The following PNPLA6 variants were observed in gnomAD, a reference collection of about 807,000 sequenced individuals.
The protein encoded by PNPLA6 is patatin like domain 6, lysophospholipase, also known as patatin-like phospholipase domain-containing protein 6.
A neutral mutation model predicts 153.7 loss-of-function variants in PNPLA6; 105 were observed. The ratio of observed to expected loss-of-function variants is 0.68; its 90% CI spans 0.58 to 0.80. The LOEUF is 0.80. Among genes scored for constraint, PNPLA6 ranks in the 30% least tolerant of loss-of-function variants. The pLI is 0.00. For synonymous variants in PNPLA6, 825 were observed against 822.2 expected, an observed-to-expected ratio of 1.00 and a Z score of -0.06; for missense variants, 1,423 against 1,919.3, an observed-to-expected ratio of 0.74 and a Z score of 4.83.
At chr19:7,548,610 C>T (rs1029230933) in intron 13 of PNPLA6, among the ~76,000 whole-genome samples, 17 of 151,468 alleles carry the variant, frequency 1.1e-4, no homozygotes, top group Non-Finnish European at 2.9e-5. Flanking sequence ...TAGGGAAAAA[C>T]GGGGAAAATA....
Position 7,536,553 on chromosome 19 carries a change from C to T in PNPLA6, c.413+7C>T. 1 of 1,592,130 alleles carries T rather than the reference C, an allele frequency of 6.3e-7. No individual in the cohort carries two copies. Among genetic ancestry groups the T allele is most frequent in the South Asian group, 1.1e-5 (1 of 90,654 alleles). ...TGCTCAACATTGCCAAGAAGTAAGGCTGTGCTGGGTGTGACCTGGTATTAG... is the reference window on the plus strand; with the variant it reads ...TGCTCAACATTGCCAAGAAGTAAGGTTGTGCTGGGTGTGACCTGGTATTAG... On this transcript the variant is annotated splice_region_variant and intron_variant, in intron 3 of 31. Transcript: ENST00000600737.
At chr19:7,547,590 C>T (rs1196436580) in intron 13 of PNPLA6, among the ~76,000 whole-genome samples, 7 of 150,748 alleles carry the variant, frequency 4.6e-5, no homozygotes, top group Non-Finnish European at 1.0e-4. Context: ...GATCCTTCTG[C>T]CTTGGCCTCC....
upstream of PNPLA6, chr19:7,535,090 T>G: frequency 4.8e-6 from 1 of 207,286 alleles, no homozygotes; most frequent in Non-Finnish European, 1.0e-5. The surrounding 1 kb of genome is among the most constrained non-coding windows in gnomAD (Gnocchi z 5.0). Context: ...GGGTGCGGCC[T>G]GGGGGGTGGG....
Position 7,554,736 on chromosome 19 carries a change from T to C in PNPLA6, c.2634+13T>C. The C allele has an allele frequency of 1.9e-6, 3 of 1,610,818 alleles. No homozygotes were observed. On this transcript the variant is annotated intron_variant, in intron 21 of 31. Transcript: ENST00000600737. ...TACCCTCGGCCAGGTCGGAAGCCCG[T>C]GCCCCCTGATCTCACCCACCTCGGG...
rs769927461 is a variant in PNPLA6, at chr19:7,560,666, G to A, written c.3718G>A (p.Gly1240Arg). ...CCCACAGGATGTGGGCTACCAGTAC[G>A]GGAAGGCGGTGTTTGGAGGCTGGAG... The part of the protein sequence containing the change: ...DQIYDVGYQY[G>R]KAVFGGWSRG... Residue 1240 changes from glycine to arginine, a missense_variant, in exon 29 of 32, where the codon GGG becomes AGG. By Grantham distance (125) the Gly-to-Arg change is moderately radical. Around this residue, in one of 10 missense-constraint regions of PNPLA6, gnomAD observed 643 missense variants for 835.2 expected, o/e 0.77. Coordinates refer to ENST00000600737, the MANE Select transcript of PNPLA6 (RefSeq NM_001166114.2). 16 of 1,613,130 alleles carry A rather than the reference G, an allele frequency of 9.9e-6. No homozygotes were observed. Among genetic ancestry groups the A allele is most frequent in the Admixed American group, 6.7e-5 (4 of 59,986 alleles).
At position 7,555,361 on chromosome 19, in the gene PNPLA6, G is replaced by A; in HGVS notation, c.2930G>A (p.Gly977Glu). The A allele has an allele frequency of 6.5e-7, 1 of 1,547,358 alleles. No homozygotes were observed. The highest frequency in any genetic ancestry group is 8.7e-7 in the Non-Finnish European group (1 of 1,143,320). The change falls in exon 23 of 32, where the codon GGG (glycine) becomes GAG (glutamate). Residue 977 changes from glycine (G) to glutamate (E), a missense_variant. Gly to Glu is a moderately conservative substitution (Grantham distance 98). Transcript: ENST00000600737. The surrounding 1 kb of genome is among the most constrained non-coding windows in gnomAD (Gnocchi z 6.3). ...ATTGCCCTTGTGCTAGGCGGGGGCG[G>A]GGCCAGGTGAGGGCGGGGCTTGCTC... The part of the protein sequence containing the change: ...NTIALVLGGG[G>E]ARGCSHIGVL...
chr19:7,555,561 C>T lies in PNPLA6; in HGVS notation c.2937-46C>T. The T allele has an allele frequency of 6.2e-7, 1 of 1,602,666 alleles. No individual in the cohort carries two copies. Among genetic ancestry groups the T allele is most frequent in the African/African-American group, 1.3e-5 (1 of 74,784 alleles). ...GGAGGAGGTAGGGGCAGGGGAGTTCCTGCAGGTGGGGCCTAGCGGGTCACT... is the reference window on the plus strand; with the variant it reads ...GGAGGAGGTAGGGGCAGGGGAGTTCTTGCAGGTGGGGCCTAGCGGGTCACT... On this transcript the variant is annotated intron_variant, in intron 23 of 31. Coordinates refer to ENST00000600737, the MANE Select transcript of PNPLA6 (RefSeq NM_001166114.2). This position sits in a 1 kb window ranked among gnomAD's most constrained non-coding sequence, Gnocchi z 6.3.
intron 16 of PNPLA6, 30 bp from the exon 17 acceptor site, chr19:7,550,964 G>A: frequency 6.8e-7 from 1 of 1,464,130 alleles, no homozygotes; most frequent in Non-Finnish European, 9.3e-7. Context: ...CCCCACCCAA[G>A]CAGCCCCAAT....
chr19:7,541,630 G>T lies in PNPLA6; in HGVS notation c.1114G>T (p.Glu372Ter). ...VSTSATDEPR[E>*]TPGRPPDPTG... ...CACCTCAGCTACAGACGAGCCCAGG[G>T]AGACCCCAGGGCGGCCACCCGATCC... The change falls in exon 9 of 32, where the codon GAG (glutamate) becomes TAG (stop). Residue 372 changes from glutamate (E) to a stop codon, truncating the protein, a stop_gained. Transcript: ENST00000600737. LOFTEE classifies it high-confidence loss of function. This position sits in a 1 kb window ranked among gnomAD's most constrained non-coding sequence, Gnocchi z 5.2. 1 of 1,588,692 alleles carries T rather than the reference G, an allele frequency of 6.3e-7. No individual in the cohort carries two copies. Among genetic ancestry groups the T allele is most frequent in the South Asian group, 1.1e-5 (1 of 88,048 alleles).
rs941018321 is a variant in PNPLA6 at position 7,555,888 on chromosome 19, C to G, written c.3093+125C>G. On this transcript the variant is annotated intron_variant, in intron 24 of 31. Coordinates refer to ENST00000600737, the MANE Select transcript of PNPLA6 (RefSeq NM_001166114.2). The surrounding 1 kb of genome is among the most constrained non-coding windows in gnomAD (Gnocchi z 6.3). ...GACCCTTCCTGATTAAATCTATGAT[C>G]CCCAGCTGTCCGGACTTTTATAGAT... is the stretch of plus-strand genomic sequence containing the variant. The G allele has an allele frequency of 2.0e-6, 2 of 1,015,806 alleles. No individual in the cohort carries two copies. Among genetic ancestry groups the G allele is most frequent in the Non-Finnish European group, 3.0e-6 (2 of 669,568 alleles). 62.9% of individuals were successfully genotyped at this position (1,015,806 alleles called of 1,614,324 possible). A position where few individuals can be genotyped will look rare whatever the true frequency, so the allele number is the denominator to read the frequency against.
In PNPLA6 at chr19:7,561,453, G is replaced by A. The variant is rs746746947; in HGVS notation, c.4024-35G>A. ...CTGACATGTGACGCATCAGTGTCCC[G>A]TGCTGGGTGACGTGTGTGTGACCTT... On this transcript the variant is annotated intron_variant, in intron 31 of 31. Coordinates refer to ENST00000600737, the MANE Select transcript of PNPLA6 (RefSeq NM_001166114.2). 7.6e-5 allele frequency: 119 copies of A among 1,566,862 alleles called. 1 individual carries two copies. The highest frequency in any genetic ancestry group is 5.5e-4 in the South Asian group (48 of 87,392).
At position 7,540,527 on chromosome 19, in the gene PNPLA6, G is replaced by A; in HGVS notation, c.715-103G>A. 9.1e-7 allele frequency: 1 copy of A among 1,095,178 alleles called. No individual in the cohort carries two copies. The highest frequency in any genetic ancestry group is 1.4e-6 in the Non-Finnish European group (1 of 710,938). The allele number at this position is 1,095,178 out of a possible 1,614,324, so 67.8% of individuals were successfully genotyped here. ...GTTGGAAGGGTTGGTGGGTTCCCCT[G>A]AGAAGGGATGAGAAGTGTCAGTGAT... On this transcript the variant is annotated intron_variant, in intron 5 of 31. Transcript: ENST00000600737. This position sits in a 1 kb window ranked among gnomAD's most constrained non-coding sequence, Gnocchi z 6.8.
At position 7,554,567 on chromosome 19, in the gene PNPLA6, C is replaced by T; in HGVS notation, c.2478C>T (p.Phe826=). Residue 826 remains phenylalanine, a synonymous_variant, in exon 21 of 32, where the codon TTC becomes TTT. Transcript: ENST00000600737. The part of the protein sequence containing the change: ...GASALDSIQE[F]RLSGWLAQQE... ...CTTCCCACCCTAGCATCCAAGAGTT[C>T]CGGCTGTCAGGGTGGCTGGCCCAGC... is the stretch of plus-strand genomic sequence containing the variant. 1 of 1,614,110 alleles carries T rather than the reference C, an allele frequency of 6.2e-7. No individual in the cohort carries two copies. The highest frequency in any genetic ancestry group is 8.5e-7 in the Non-Finnish European group (1 of 1,179,998).
chr19:7,557,003 C>T (rs549223315), intron 26 of PNPLA6, 165 bp from the exon 27 acceptor site: 3 of 760,056 alleles, frequency 3.9e-6, no homozygotes, highest in Admixed American at 3.6e-5. Context: ...GCGCCTCCTA[C>T]TGCCCCTACC....
At chr19:7,558,806 G>A (rs755079200) in intron 27 of PNPLA6, 44 bp from the exon 28 acceptor site, 23 of 1,492,636 alleles carry the variant, frequency 1.5e-5, no homozygotes, top group Middle Eastern at 3.9e-4. Flanking sequence ...TCTCTGCCCC[G>A]GGCCCCCGAG....
chr19:7,555,443 GC>G lies in PNPLA6; in HGVS notation c.2936+77del. The G allele has an allele frequency of 7.4e-7, 1 of 1,349,930 alleles. No individual in the cohort carries two copies. Among genetic ancestry groups the G allele is most frequent in the Non-Finnish European group, 1.0e-6 (1 of 977,120 alleles). 83.6% of individuals were successfully genotyped at this position (1,349,930 alleles called of 1,614,324 possible). On this transcript the variant is annotated intron_variant, in intron 23 of 31. Transcript: ENST00000600737. This position sits in a 1 kb window ranked among gnomAD's most constrained non-coding sequence, Gnocchi z 6.3. ...GAGCTTCCTGGGAGAAACCGTGGGG[GC>G]GGGGCCTGGGTGTTCGAGGGTGGAG... is the stretch of plus-strand genomic sequence containing the variant.
rs937128986 is a variant in PNPLA6, at chr19:7,555,190, G to T, written c.2818-59G>T. ...AGGCTCGAAGGTCAGGGTACCCCTG[G>T]GGGATCCGCCGGACCCCGCCCTCAT... On this transcript the variant is annotated intron_variant, in intron 22 of 31. Transcript: ENST00000600737. The surrounding 1 kb of genome is among the most constrained non-coding windows in gnomAD (Gnocchi z 6.3). The T allele has an allele frequency of 2.0e-6, 3 of 1,530,580 alleles. No individual in the cohort carries two copies. In the South Asian group the frequency reaches 3.5e-5, roughly 18 times the overall value. The allele number at this position is 1,530,580 out of a possible 1,614,324, so 94.8% of individuals were successfully genotyped here. A position where few individuals can be genotyped will look rare whatever the true frequency, so the allele number is the denominator to read the frequency against.
At chr19:7,553,141 C>T (rs980141015) in intron 18 of PNPLA6, among the ~76,000 whole-genome samples, 3 of 152,156 alleles carry the variant, frequency 2.0e-5, no homozygotes, top group Non-Finnish European at 4.4e-5. Context: ...AAGGAGGCAA[C>T]AAGAGGTCTA....
chr19:7,554,519 C>T, intron 20 of PNPLA6, 36 bp from the exon 21 acceptor site: 1 of 1,612,858 alleles, frequency 6.2e-7, no homozygotes, highest in Non-Finnish European at 8.5e-7. Flanking sequence ...GACCCCAGGC[C>T]AACCCCAGGA....
Sources: allele counts gnomAD v4.1 joint callset (sites outside exome capture counted in the v4.1 genomes callset), GRCh38; gene constraint gnomAD v4.1.1; regional missense constraint gnomAD v4.1.1; non-coding constraint Gnocchi (gnomAD v3.1); transcripts MANE v1.5; gene names NCBI Gene and HGNC (gene_info 2026-07-23, HGNC 2026-07-21).